Variants in MRC2 observed in about 807,000 individuals in gnomAD.
MRC2 encodes C-type mannose receptor 2.
MRC2 carries 84 observed loss-of-function variants against 206.2 expected under a neutral mutation model. The observed-to-expected ratio is 0.41, with a 90% CI of 0.34 to 0.49. MRC2 has a LOEUF of 0.49. Among genes scored for constraint, MRC2 ranks in the 20% least tolerant of loss-of-function variants. The pLI is 0.31. For synonymous variants in MRC2, 798 were observed against 800.0 expected, an observed-to-expected ratio of 1.00 and a Z score of 0.04; for missense variants, 1,676 against 2,001.5, an observed-to-expected ratio of 0.84 and a Z score of 3.10.
intron 9 of MRC2, among the ~76,000 whole-genome samples, chr17:62,674,907 C>T (rs186517888): frequency 3.9e-5 from 6 of 152,254 alleles, no homozygotes; most frequent in African/African-American, 1.4e-4. Context: ...TGGCTCCTCA[C>T]TCTGTTTTCC....
intron 1 of MRC2, 128 bp downstream of exon 1, chr17:62,628,048 A>C: frequency 1.7e-6 from 1 of 589,810 alleles, no homozygotes; most frequent in Non-Finnish European, 2.6e-6. Flanking sequence ...TGTGTGTGTG[A>C]CTGGGTTTTT....
In MRC2 at chr17:62,666,672, C is replaced by T. The variant is rs1024471740; in HGVS notation, c.859+53C>T. 35 of 1,461,918 alleles carry T rather than the reference C, an allele frequency of 2.4e-5. No homozygotes were observed. In the Middle Eastern group the frequency reaches 5.5e-4, roughly 23 times the overall value. 90.6% of individuals were successfully genotyped at this position (1,461,918 alleles called of 1,614,324 possible). The stretch of plus-strand genomic sequence containing the variant: ...GCCTCTGGAGGGCCCGGGCCCTTTC[C>T]GCTTGTGGGTTGGGGAGAGGGCGAT... On this transcript the variant is annotated intron_variant, in intron 4 of 29. Coordinates refer to ENST00000303375, the MANE Select transcript of MRC2 (RefSeq NM_006039.5). This position sits in a 1 kb window ranked among gnomAD's most constrained non-coding sequence, Gnocchi z 5.0.
intron 1 of MRC2, among the ~76,000 whole-genome samples, chr17:62,628,728 T>G (rs1408822315): frequency 6.6e-6 from 1 of 152,226 alleles, no homozygotes; most frequent in Non-Finnish European, 1.5e-5. Context: ...TTCCTGCTCC[T>G]TATTCAGGGG....
At chr17:62,662,552 A>G (rs1041507774) in intron 1 of MRC2, among the ~76,000 whole-genome samples, 1 of 152,324 alleles carries the variant, frequency 6.6e-6, no homozygotes, top group Non-Finnish European at 1.5e-5. Context: ...TCTTAAGATG[A>G]GGAAACGGCA....
At position 62,672,555 on chromosome 17, in the gene MRC2, C is replaced by T. The variant is rs1272960191; in HGVS notation, c.1461+403C>T. On this transcript the variant is annotated intron_variant, in intron 8 of 29. Transcript: ENST00000303375. This position sits in a 1 kb window ranked among gnomAD's most constrained non-coding sequence, Gnocchi z 4.5. ...GGGCTGCACTCTGCCAGCCCTCGCC[C>T]CCAGTGCTCTACCCAGTCCAGGGTC... 6.6e-6 allele frequency among the ~76,000 whole-genome samples: 1 copy of T among 152,170 alleles called. No homozygotes were observed. Among genetic ancestry groups the T allele is most frequent in the Non-Finnish European group, 1.5e-5 (1 of 68,018 alleles).
chr17:62,634,307 T>C (rs1486782650), intron 1 of MRC2, among the ~76,000 whole-genome samples: 1 of 146,950 alleles, frequency 6.8e-6, no homozygotes, highest in Non-Finnish European at 1.5e-5. Context: ...CCACAAGTCA[T>C]TTTTTTTTTT....
At chr17:62,689,275 A>G in intron 23 of MRC2, 1 of 580,626 alleles carries the variant, frequency 1.7e-6, no homozygotes, top group Admixed American at 3.1e-5. Context: ...CTCCATGCGT[A>G]GGTGGCCTCT....
At chr17:62,641,696 C>T (rs1202354675) in intron 1 of MRC2, among the ~76,000 whole-genome samples, 2 of 152,214 alleles carry the variant, frequency 1.3e-5, no homozygotes, top group South Asian at 2.1e-4. Flanking sequence ...CGAATGGACT[C>T]CAGCTATTTG....
chr17:62,666,717 G>A lies in MRC2; in HGVS notation c.860-40G>A. ...GGCGATGGGGAGCGGGGGAGGCTGG[G>A]GCTGGGGATCCCCTGTTCAGTGTCC... On this transcript the variant is annotated intron_variant, in intron 4 of 29. Transcript: ENST00000303375. The surrounding 1 kb of genome is among the most constrained non-coding windows in gnomAD (Gnocchi z 5.0). 5 of 1,603,260 alleles carry A rather than the reference G, an allele frequency of 3.1e-6. No homozygotes were observed. The highest frequency in any genetic ancestry group is 4.3e-6 in the Non-Finnish European group (5 of 1,173,388).
rs1398749018 is a variant in MRC2 at position 62,667,775 on chromosome 17, G to C, written c.1117+242G>C. 6.6e-6 allele frequency among the ~76,000 whole-genome samples: 1 copy of C among 152,174 alleles called. No individual in the cohort carries two copies. The highest frequency in any genetic ancestry group is 1.5e-5 in the Non-Finnish European group (1 of 68,028). On this transcript the variant is annotated intron_variant, in intron 6 of 29. Coordinates refer to ENST00000303375, the MANE Select transcript of MRC2 (RefSeq NM_006039.5). This position sits in a 1 kb window ranked among gnomAD's most constrained non-coding sequence, Gnocchi z 4.1. ...TGCTGGCAATACCCACTGTTACCTC[G>C]TAGAGACCACAGTCTGCTGGAGGTG...
intron 23 of MRC2, chr17:62,689,221 G>C: frequency 1.7e-6 from 1 of 586,142 alleles, no homozygotes; most frequent in Non-Finnish European, 3.0e-6. Context: ...GCTGGCACGT[G>C]TGGCGTCAAG....
intron 28 of MRC2, 60 bp downstream of exon 28, chr17:62,691,188 T>G (rs2089107712): frequency 6.6e-7 from 1 of 1,514,302 alleles, no homozygotes; most frequent in Non-Finnish European, 8.8e-7. Context: ...GGTCCTGGGC[T>G]GGGGCTGGGG....
chr17:62,691,403 C>T (rs1299292291), intron 28 of MRC2, among the ~76,000 whole-genome samples: 2 of 152,208 alleles, frequency 1.3e-5, no homozygotes, highest in Non-Finnish European at 2.9e-5. Flanking sequence ...CAAGTCCTGG[C>T]CATGTCACTT....
At chr17:62,646,347 A>C (rs543926482) in intron 1 of MRC2, among the ~76,000 whole-genome samples, 2 of 151,964 alleles carry the variant, frequency 1.3e-5, no homozygotes, top group South Asian at 4.2e-4. Context: ...TTTTTAAGAG[A>C]CAGGGTCTCA....
chr17:62,677,624 TC>T, intron 12 of MRC2, 138 bp downstream of exon 12: 1 of 727,840 alleles, frequency 1.4e-6, no homozygotes, highest in Non-Finnish European at 2.2e-6. Context: ...GTGAGACTTG[TC>T]CATGGAATCT....
At chr17:62,674,231 G>C (rs2088862092) in intron 9 of MRC2, 61 bp downstream of exon 9, 2 of 1,280,126 alleles carry the variant, frequency 1.6e-6, no homozygotes, top group Admixed American at 2.5e-5. Flanking sequence ...TACCAGGGGA[G>C]GGAGAGGTGG....
intron 1 of MRC2, among the ~76,000 whole-genome samples, chr17:62,642,327 A>G (rs761180484): frequency 7.2e-5 from 11 of 152,310 alleles, no homozygotes; most frequent in Non-Finnish European, 1.2e-4. Flanking sequence ...CGTTTTTGGA[A>G]AGGGAACTCA....
chr17:62,676,264 T>C, intron 10 of MRC2, 119 bp from the exon 11 acceptor site: 10 of 1,334,366 alleles, frequency 7.5e-6, no homozygotes, highest in Non-Finnish European at 9.1e-6. Context: ...CGTCCCTGCT[T>C]TCTTGAGCAA....
rs2088840431 is a variant in MRC2, at chr17:62,672,632, C to CA, written c.1461+480_1461+481insA. ...TTATGACAATTTGCCATGGTTTGGGCTTAGATGTGGTGTAAGTGAAGGAAT... is the reference window on the plus strand; with the variant it reads ...TTATGACAATTTGCCATGGTTTGGGCATTAGATGTGGTGTAAGTGAAGGAAT... On this transcript the variant is annotated intron_variant, in intron 8 of 29. Coordinates refer to ENST00000303375, the MANE Select transcript of MRC2 (RefSeq NM_006039.5). This position sits in a 1 kb window ranked among gnomAD's most constrained non-coding sequence, Gnocchi z 4.5. 6.6e-6 allele frequency among the ~76,000 whole-genome samples: 1 copy of CA among 152,062 alleles called. No homozygotes were observed. Among genetic ancestry groups the CA allele is most frequent in the African/African-American group, 2.4e-5 (1 of 41,408 alleles).
Sources: gnomAD v4.1 joint callset for allele counts (sites outside exome capture counted in the v4.1 genomes callset) on GRCh38, gnomAD v4.1.1 for gene constraint, Gnocchi (gnomAD v3.1) non-coding constraint, MANE v1.5 for transcripts, NCBI Gene and HGNC (gene_info 2026-07-23, HGNC 2026-07-21) for gene names.